The following TLL1 variants were observed in gnomAD, a reference collection of about 807,000 sequenced individuals.
TLL1 encodes tolloid-like protein 1.
In TLL1, 49 loss-of-function variants were observed where a neutral mutation model predicts 128.2. The ratio of observed to expected loss-of-function variants is 0.38; its 90% CI spans 0.30 to 0.48. The LOEUF is 0.48. Ranked by LOEUF, TLL1 falls within the 20% of genes least tolerant of loss-of-function variation. The pLI is 0.96. For synonymous variants in TLL1, 454 were observed against 418.8 expected (o/e 1.08, Z -1.03); for missense variants, 1,123 against 1,242.0 (o/e 0.90, Z 1.44).
chr4:165,945,641 TA>T (rs1734211640), intron 1 of TLL1, among the ~76,000 whole-genome samples: 1 of 152,078 alleles, frequency 6.6e-6, no homozygotes, highest in Non-Finnish European at 1.5e-5. Context: ...AAAGATTATA[TA>T]AAGAACTGTA....
intron 9 of TLL1, among the ~76,000 whole-genome samples, chr4:166,028,043 C>G (rs926414082): frequency 2.6e-5 from 4 of 152,038 alleles, no homozygotes; most frequent in African/African-American, 9.6e-5. Flanking sequence ...TCATTATAAT[C>G]CTCGTGTCTT....
chr4:166,060,912 GTTTGT>G (rs1235719747), intron 15 of TLL1, among the ~76,000 whole-genome samples: 22 of 152,244 alleles, frequency 1.4e-4, no homozygotes, highest in African/African-American at 5.1e-4. Flanking sequence ...GGTTATAAAC[GTTTGT>G]TTTGTTTCGT....
chr4:165,933,373 G>T (rs914370385), intron 1 of TLL1, among the ~76,000 whole-genome samples: 1 of 152,008 alleles, frequency 6.6e-6, no homozygotes, highest in Non-Finnish European at 1.5e-5. Context: ...CAATGATTCC[G>T]GTGTTGTGCC....
At position 166,101,232 on chromosome 4, in the gene TLL1, A is replaced by G. The variant is rs969221269; in HGVS notation, c.*356A>G. ...CAGTGTTCTTTTTGACAATTTGTCA[A>G]GATTTAGGGACATAAAATGATCTTG... On this transcript the variant is annotated 3_prime_UTR_variant, in exon 21 of 21. Transcript: ENST00000061240. 2.9e-4 allele frequency: 85 copies of G among 291,252 alleles called. 1 individual carries two copies. The highest frequency in any genetic ancestry group is 7.3e-5 in the Non-Finnish European group (11 of 151,688). The allele number at this position is 291,252 out of a possible 1,614,324, so 18.0% of individuals were successfully genotyped here.
chr4:165,958,494 C>T (rs879518153), intron 1 of TLL1, among the ~76,000 whole-genome samples: 4,682 of 127,680 alleles, frequency 0.037, no homozygotes, highest in African/African-American at 0.082. Context: ...TGTCTTTTGG[C>T]TGCATAAATG....
chr4:166,088,178 T>G (rs1355509485), intron 18 of TLL1, among the ~76,000 whole-genome samples: 4 of 152,120 alleles, frequency 2.6e-5, no homozygotes, highest in Non-Finnish European at 5.9e-5. Flanking sequence ...CATTGTGAAC[T>G]TCCAAGACTT....
intron 5 of TLL1, among the ~76,000 whole-genome samples, chr4:165,999,240 C>T (rs1737035351): frequency 6.6e-6 from 1 of 152,162 alleles, no homozygotes; most frequent in Non-Finnish European, 1.5e-5. Flanking sequence ...ACTCCCAGTA[C>T]TAATTTTTTG....
Position 165,959,323 on chromosome 4 carries a change from G to A in TLL1, c.170-30058G>A, listed in dbSNP as rs377072088. On this transcript the variant is annotated intron_variant, in intron 1 of 20. Transcript: ENST00000061240. ...TGGGCAGTATGGCCATTTTCACGAT[G>A]TTGATTCTTCCTACCCATGAGCATG... Among the ~76,000 whole-genome samples the A allele has an allele frequency of 7.3e-3, 1,114 of 151,988 alleles. 14 individuals carry two copies. The highest frequency in any genetic ancestry group is 0.039 in the East Asian group (201 of 5,138).
chr4:166,084,524 A>G lies in TLL1; in HGVS notation c.2442+6494A>G, dbSNP rs531845351. On this transcript the variant is annotated intron_variant, in intron 18 of 20. Coordinates refer to ENST00000061240, the MANE Select transcript of TLL1 (RefSeq NM_012464.5). ...GTAGTTTCATAGTTTTGAATCTTAT[A>G]TTTACGTCTTTAATTCATTTAGAAT... Among the ~76,000 whole-genome samples the G allele has an allele frequency of 2.6e-5, 4 of 152,112 alleles. No homozygotes were observed. The South Asian group carries it at 6.2e-4, about 24-fold the overall frequency.
chr4:165,992,975 A>G (rs1288759495), intron 3 of TLL1, 91 bp downstream of exon 3: 2 of 1,067,270 alleles, frequency 1.9e-6, no homozygotes, highest in African/African-American at 3.1e-5. Flanking sequence ...TCAGTGTGCC[A>G]TTATGATGTG....
At chr4:165,965,421 T>C (rs937162969) in intron 1 of TLL1, among the ~76,000 whole-genome samples, 2 of 152,224 alleles carry the variant, frequency 1.3e-5, no homozygotes, top group African/African-American at 2.4e-5. Flanking sequence ...CACAAATCTG[T>C]GTCACAAAAC....
At chr4:165,878,387 C>G (rs1475096269) in intron 1 of TLL1, among the ~76,000 whole-genome samples, 2 of 150,988 alleles carry the variant, frequency 1.3e-5, no homozygotes, top group African/African-American at 4.9e-5. Context: ...CTCTTCTTGC[C>G]TTGGGTGCCA....
At chr4:165,904,839 A>C (rs1313591509) in intron 1 of TLL1, among the ~76,000 whole-genome samples, 1 of 152,240 alleles carries the variant, frequency 6.6e-6, no homozygotes, top group Non-Finnish European at 1.5e-5. Flanking sequence ...AAAAATAAGC[A>C]ATGTATTTAA....
chr4:166,027,393 A>G (rs76212740), intron 9 of TLL1, among the ~76,000 whole-genome samples: 155 of 152,270 alleles, frequency 1.0e-3, no homozygotes, highest in African/African-American at 3.7e-3. Flanking sequence ...GATGTTCTTG[A>G]TGATAACTGA....
At chr4:166,023,916 G>T (rs915312246) in intron 8 of TLL1, among the ~76,000 whole-genome samples, 6 of 146,812 alleles carry the variant, frequency 4.1e-5, no homozygotes, top group East Asian at 4.0e-4. Flanking sequence ...TATAGGTTTG[G>T]TTTTTTTTTT....
In TLL1 at chr4:166,103,192, A is replaced by G. The variant is rs1742367957; in HGVS notation, c.*2316A>G. ...CTTGTTCTACAAAGGTAGTAGAATC[A>G]ATCTCGACCTATATAAATAGTAGAT... On this transcript the variant is annotated 3_prime_UTR_variant, in exon 21 of 21. Coordinates refer to ENST00000061240, the MANE Select transcript of TLL1 (RefSeq NM_012464.5). 1 of 151,896 alleles carries G rather than the reference A, an allele frequency of 6.6e-6. No individual in the cohort carries two copies. The highest frequency in any genetic ancestry group is 2.1e-4 in the South Asian group (1 of 4,828). 9.4% of individuals were successfully genotyped at this position (151,896 alleles called of 1,614,324 possible).
chr4:166,021,187 A>G (rs2111062590), intron 8 of TLL1, among the ~76,000 whole-genome samples: 1 of 152,116 alleles, frequency 6.6e-6, no homozygotes, highest in Admixed American at 6.5e-5. Context: ...CTGCTTTTGT[A>G]TATGTGATTC....
At chr4:166,097,155 C>T (rs958398505) in intron 19 of TLL1, among the ~76,000 whole-genome samples, 1 of 152,018 alleles carries the variant, frequency 6.6e-6, no homozygotes, top group Non-Finnish European at 1.5e-5. Context: ...AGTCCCCCAG[C>T]TGGTAAAGAA....
At chr4:165,990,620 AT>A (rs2111011737) in intron 2 of TLL1, among the ~76,000 whole-genome samples, 1 of 151,924 alleles carries the variant, frequency 6.6e-6, no homozygotes, top group South Asian at 2.1e-4. Context: ...GCATACATGC[AT>A]ACGTGTGTTT....
Sources: allele counts gnomAD v4.1 joint callset (sites outside exome capture counted in the v4.1 genomes callset), GRCh38; gene constraint gnomAD v4.1.1; transcripts MANE v1.5; gene names NCBI Gene and HGNC (gene_info 2026-07-23, HGNC 2026-07-21).